Variants in XYLB observed in about 807,000 individuals in gnomAD.
XYLB encodes the protein xylulose kinase.
Under a neutral mutation model 78.7 loss-of-function variants are expected in XYLB, and 62 were observed. The observed-to-expected ratio is 0.79, with a 90% CI of 0.64 to 0.97. The LOEUF (loss-of-function observed/expected upper bound fraction) is 0.97. Ranked by LOEUF, XYLB falls within the 50% of genes least tolerant of loss-of-function variation. The pLI is 0.00. For synonymous variants in XYLB, 245 were observed against 247.4 expected (o/e 0.99, Z 0.09); for missense variants, 687 against 676.8 (o/e 1.02, Z -0.17).
downstream of XYLB, among the ~76,000 whole-genome samples, chr3:38,418,209 A>G (rs901084386): frequency 6.6e-6 from 1 of 150,886 alleles, no homozygotes; most frequent in Admixed American, 6.6e-5. Flanking sequence ...AAAAAAAAAA[A>G]AAAAGATATA....
chr3:38,443,934 A>G, the XYLB span, among the ~76,000 whole-genome samples: 1 of 152,122 alleles, frequency 6.6e-6, no homozygotes. Context: ...AGTCCCCATG[A>G]TCTGAGTCTA....
chr3:38,430,474 G>T, the XYLB span, among the ~76,000 whole-genome samples: 2 of 152,164 alleles, frequency 1.3e-5, no homozygotes, highest in Non-Finnish European at 2.9e-5. Flanking sequence ...CAGATGAGTA[G>T]ATTGCAAAAA....
chr3:38,407,878 A>G (rs943137145), intron 18 of XYLB, among the ~76,000 whole-genome samples: 4 of 151,154 alleles, frequency 2.6e-5, no homozygotes, highest in Non-Finnish European at 5.9e-5. Flanking sequence ...ACCCAGATTC[A>G]TAAAGCAAGT....
intron 18 of XYLB, among the ~76,000 whole-genome samples, chr3:38,409,807 T>C (rs1003051499): frequency 2.0e-5 from 3 of 151,932 alleles, no homozygotes; most frequent in Non-Finnish European, 4.4e-5. Flanking sequence ...AATAAAATAC[T>C]TAGGAATCCA....
At chr3:38,437,605 C>T in the XYLB span, among the ~76,000 whole-genome samples, 1 of 152,144 alleles carries the variant, frequency 6.6e-6, no homozygotes, top group African/African-American at 2.4e-5. Context: ...AAAAACCAGT[C>T]GTGTTGCTAT....
At chr3:38,435,344 CA>C in the XYLB span, among the ~76,000 whole-genome samples, 1 of 152,206 alleles carries the variant, frequency 6.6e-6, no homozygotes, top group South Asian at 2.1e-4. Context: ...CACACACACA[CA>C]CAAAGTCATT....
At chr3:38,348,448 T>C in intron 1 of XYLB, 102 bp from the exon 2 acceptor site, 2 of 1,096,210 alleles carry the variant, frequency 1.8e-6, no homozygotes, top group South Asian at 2.7e-5. Flanking sequence ...TAGGTTGAAC[T>C]GCTCCTAGGG....
chr3:38,409,541 A>G (rs1389117598), intron 18 of XYLB, among the ~76,000 whole-genome samples: 1 of 152,210 alleles, frequency 6.6e-6, no homozygotes, highest in Non-Finnish European at 1.5e-5. Context: ...GGCCAGGGCA[A>G]TTAGGCAGGA....
At chr3:38,384,118 G>C (rs1228362205) in intron 15 of XYLB, among the ~76,000 whole-genome samples, 1 of 152,234 alleles carries the variant, frequency 6.6e-6, no homozygotes, top group South Asian at 2.1e-4. Context: ...CCAGACTGGA[G>C]TGCAGTGGTG....
intron 15 of XYLB, among the ~76,000 whole-genome samples, chr3:38,383,944 A>G (rs1191300922): frequency 6.6e-6 from 1 of 152,204 alleles, no homozygotes; most frequent in African/African-American, 2.4e-5. Context: ...GGGTGTATAC[A>G]AGAACCAAAG....
downstream of XYLB, among the ~76,000 whole-genome samples, chr3:38,421,514 G>A (rs1396600978): frequency 6.6e-6 from 1 of 152,248 alleles, no homozygotes; most frequent in Non-Finnish European, 1.5e-5. Context: ...TTTTAGTGCA[G>A]TAGAGAAATA....
chr3:38,413,094 T>C lies in XYLB; in HGVS notation c.*81T>C. The C allele has an allele frequency of 7.2e-7, 1 of 1,394,772 alleles. No individual in the cohort carries two copies. Among genetic ancestry groups the C allele is most frequent in the Non-Finnish European group, 9.7e-7 (1 of 1,028,722 alleles). The allele number at this position is 1,394,772 out of a possible 1,614,324, so 86.4% of individuals were successfully genotyped here. A position where few individuals can be genotyped will look rare whatever the true frequency, so the allele number is the denominator to read the frequency against. The stretch of plus-strand genomic sequence containing the variant: ...TGGCCCCAGACAGGAGGGATCCACT[T>C]CTCTGTTCTGAACAGCTCTTCCTGC... On this transcript the variant is annotated 3_prime_UTR_variant, in exon 19 of 19. Coordinates refer to ENST00000207870, the MANE Select transcript of XYLB (RefSeq NM_005108.4).
intron 2 of XYLB, among the ~76,000 whole-genome samples, chr3:38,352,177 G>A (rs1226661920): frequency 6.6e-6 from 1 of 151,952 alleles, no homozygotes; most frequent in South Asian, 2.1e-4. Flanking sequence ...TCAATGAAAA[G>A]TATACAGTGA....
At chr3:38,354,499 T>G (rs1705538149) in intron 2 of XYLB, among the ~76,000 whole-genome samples, 1 of 151,460 alleles carries the variant, frequency 6.6e-6, no homozygotes, top group South Asian at 2.1e-4. Flanking sequence ...AAAGCCAAAT[T>G]GTTAATTTTT....
At chr3:38,430,263 C>T in the XYLB span, among the ~76,000 whole-genome samples, 3 of 152,166 alleles carry the variant, frequency 2.0e-5, no homozygotes, top group African/African-American at 4.8e-5. Context: ...TGGCGTGAGA[C>T]AGTATCTCAC....
At chr3:38,405,912 T>C (rs56371215) in intron 18 of XYLB, among the ~76,000 whole-genome samples, 16,439 of 152,232 alleles carry the variant, frequency 0.11, 1,231 homozygotes, top group Non-Finnish European at 0.16. Context: ...CCACCACAGC[T>C]CAAGGAGGCC....
At position 38,372,433 on chromosome 3, in the gene XYLB, G is replaced by A. The variant is rs991224165; in HGVS notation, c.766-222G>A. 12 of 985,170 alleles carry A rather than the reference G, an allele frequency of 1.2e-5. No homozygotes were observed. In the African/African-American group the frequency reaches 1.9e-4, roughly 16 times the overall value. 61.0% of individuals were successfully genotyped at this position (985,170 alleles called of 1,614,324 possible). Reference sequence around the variant, plus strand: ...CAGTTTTTGAAATGACCTCATGCTCGTGGTTTCCAAACCTGCACTGGACTT... The same window carrying A: ...CAGTTTTTGAAATGACCTCATGCTCATGGTTTCCAAACCTGCACTGGACTT... On this transcript the variant is annotated intron_variant, in intron 9 of 18. Transcript: ENST00000207870.
the XYLB span, among the ~76,000 whole-genome samples, chr3:38,435,532 T>C: frequency 6.6e-6 from 1 of 152,180 alleles, no homozygotes; most frequent in African/African-American, 2.4e-5. Flanking sequence ...ATTAGACAGA[T>C]CATCTAGACA....
rs1353662790 is a variant in XYLB at position 38,400,882 on chromosome 3, C to G, written c.1439-9C>G. The G allele has an allele frequency of 3.7e-6, 6 of 1,612,468 alleles. No homozygotes were observed. Among genetic ancestry groups the G allele is most frequent in the Admixed American group, 1.7e-5 (1 of 59,686 alleles). Reference sequence around the variant, plus strand: ...CATGCACTAATGTGAAGTGACCTTTCCCTTCTAGGTCTTGCAGGTGGAACA... The same window carrying G: ...CATGCACTAATGTGAAGTGACCTTTGCCTTCTAGGTCTTGCAGGTGGAACA... On this transcript the variant is annotated splice_polypyrimidine_tract_variant and intron_variant, in intron 17 of 18. Transcript: ENST00000207870.
Sources: allele counts gnomAD v4.1 joint callset (sites outside exome capture counted in the v4.1 genomes callset), GRCh38; gene constraint gnomAD v4.1.1; transcripts MANE v1.5; gene names NCBI Gene and HGNC (gene_info 2026-07-23, HGNC 2026-07-21).